The following ARFGEF3 variants were observed in gnomAD, a reference collection of about 807,000 sequenced individuals.
ARFGEF3 encodes ARFGEF family member 3.
Under a neutral mutation model 221.7 loss-of-function variants are expected in ARFGEF3, and 96 were observed. The ratio of observed to expected loss-of-function variants is 0.43; its 90% CI spans 0.37 to 0.51. The LOEUF (loss-of-function observed/expected upper bound fraction) is 0.51, where lower values mean the gene tolerates loss of function less well. Among genes scored for constraint, ARFGEF3 ranks in the 20% least tolerant of loss-of-function variants. The probability of loss-of-function intolerance (pLI) is 0.00; values close to 1 mark genes in which losing one functional copy is unlikely to be tolerated. For synonymous variants in ARFGEF3, 1,145 were observed against 1,126.8 expected (o/e 1.02, Z -0.32); for missense variants, 2,410 against 2,789.9 (o/e 0.86, Z 3.07).
chr6:138,207,348 C>G (rs996720280), intron 3 of ARFGEF3, among the ~76,000 whole-genome samples: 8 of 152,178 alleles, frequency 5.3e-5, no homozygotes, highest in Non-Finnish European at 1.2e-4. Flanking sequence ...GACACTGATT[C>G]ATGTGGACCT....
chr6:138,213,240 A>G (rs1426653524), intron 4 of ARFGEF3, among the ~76,000 whole-genome samples: 3 of 150,070 alleles, frequency 2.0e-5, no homozygotes, highest in Non-Finnish European at 4.4e-5. Flanking sequence ...GTGAGCTGAG[A>G]TCGTGCCACT....
chr6:138,334,555 G>A lies in ARFGEF3; in HGVS notation c.5709G>A (p.Arg1903=). Reference sequence around the variant, plus strand: ...CAGATTGGGTGTGGCTGGTCAAGAGGCTGCACAAGCTGTGCATGGAACTGT... The same window carrying A: ...CAGATTGGGTGTGGCTGGTCAAGAGACTGCACAAGCTGTGCATGGAACTGT... ...SNADWVWLVK[R]LHKLCMELCN... The change falls in exon 33 of 34, where the codon AGG becomes AGA. Residue 1903 remains arginine (R), a synonymous_variant. Transcript: ENST00000251691. The surrounding 1 kb of genome is among the most constrained non-coding windows in gnomAD (Gnocchi z 5.1). 1 of 1,613,586 alleles carries A rather than the reference G, an allele frequency of 6.2e-7. No homozygotes were observed. Among genetic ancestry groups the A allele is most frequent in the Non-Finnish European group, 8.5e-7 (1 of 1,179,884 alleles).
chr6:138,335,046 C>A lies in ARFGEF3; in HGVS notation c.6200C>A (p.Pro2067His). 6.3e-7 allele frequency: 1 copy of A among 1,596,994 alleles called. No individual in the cohort carries two copies. ...RGQDSPLLQR[P>H]QHLMDQGQMR... is the part of the protein sequence containing the mutation. ...CAGGACTCCCCGCTGCTTCAGCGTC[C>A]CCAGCACTTGATGGACCAAGGGCAA... is the stretch of plus-strand genomic sequence containing the variant. Residue 2067 changes from proline to histidine, a missense_variant, in exon 33 of 34, where the codon CCC (proline) becomes CAC (histidine). By Grantham distance (77) the Pro-to-His change is moderately conservative. Transcript: ENST00000251691.
intron 22 of ARFGEF3, among the ~76,000 whole-genome samples, chr6:138,306,953 T>TAAAAAAAAAAA (rs71773390): frequency 2.6e-5 from 3 of 113,692 alleles, no homozygotes; most frequent in African/African-American, 6.3e-5. Flanking sequence ...TAAGGAACTC[T>TAAAAAAAAAAA]AAAAAAAAAA....
At position 138,162,242 on chromosome 6, in the gene ARFGEF3, G is replaced by T. The variant is rs1776630466; in HGVS notation, c.85+71G>T. 11 of 1,171,998 alleles carry T rather than the reference G, an allele frequency of 9.4e-6. No homozygotes were observed. The highest frequency in any genetic ancestry group is 3.2e-5 in the African/African-American group (2 of 62,380). The allele number at this position is 1,171,998 out of a possible 1,614,324, so 72.6% of individuals were successfully genotyped here. A position where few individuals can be genotyped will look rare whatever the true frequency, so the allele number is the denominator to read the frequency against. Reference sequence around the variant, plus strand: ...CGGGGCTGAACCCGCGCCTCCGCGCGTGGGGCTTTCGCGGAGCGTCGGTCA... The same window carrying T: ...CGGGGCTGAACCCGCGCCTCCGCGCTTGGGGCTTTCGCGGAGCGTCGGTCA... On this transcript the variant is annotated intron_variant, in intron 1 of 33. Coordinates refer to ENST00000251691, the MANE Select transcript of ARFGEF3 (RefSeq NM_020340.5). The surrounding 1 kb of genome is among the most constrained non-coding windows in gnomAD (Gnocchi z 4.7).
intron 26 of ARFGEF3, among the ~76,000 whole-genome samples, chr6:138,315,933 G>A (rs1211092256): frequency 6.6e-6 from 1 of 152,006 alleles, no homozygotes; most frequent in Non-Finnish European, 1.5e-5. Flanking sequence ...AACAATTAAA[G>A]TATTGAAAGT....
chr6:138,173,150 CT>C (rs10586567), intron 2 of ARFGEF3, among the ~76,000 whole-genome samples: 7,242 of 150,532 alleles, frequency 0.048, 198 homozygotes, highest in Middle Eastern at 0.094. Context: ...AAGAGTTCAC[CT>C]TTTTTTTTGA....
At chr6:138,219,989 T>G (rs1017740299) in intron 4 of ARFGEF3, among the ~76,000 whole-genome samples, 3 of 152,160 alleles carry the variant, frequency 2.0e-5, no homozygotes, top group Admixed American at 6.5e-5. Context: ...AGGATTTTTT[T>G]TCTTTTATCT....
At chr6:138,281,371 G>A (rs1333220979) in intron 14 of ARFGEF3, among the ~76,000 whole-genome samples, 2 of 152,150 alleles carry the variant, frequency 1.3e-5, no homozygotes, top group African/African-American at 4.8e-5. Flanking sequence ...TTTGTTACCT[G>A]GGCATATTGC....
chr6:138,342,130 AC>A lies in ARFGEF3; in HGVS notation c.*5645del, dbSNP rs1302784429. The A allele has an allele frequency of 6.6e-6, 1 of 152,168 alleles. No homozygotes were observed. The highest frequency in any genetic ancestry group is 2.4e-5 in the African/African-American group (1 of 41,426). The allele number at this position is 152,168 out of a possible 1,614,324, so 9.4% of individuals were successfully genotyped here. On this transcript the variant is annotated 3_prime_UTR_variant, in exon 34 of 34. Coordinates refer to ENST00000251691, the MANE Select transcript of ARFGEF3 (RefSeq NM_020340.5). ...TTGTCTAGTATCTTCTGTCTTTAGA[AC>A]AGTGGTTCTCAAACTTTAGTACACA... is the stretch of plus-strand genomic sequence containing the variant.
chr6:138,212,639 A>G (rs771932009), intron 4 of ARFGEF3, among the ~76,000 whole-genome samples: 13 of 152,216 alleles, frequency 8.5e-5, no homozygotes, highest in Non-Finnish European at 1.5e-4. Context: ...ATGTCCATCA[A>G]TGATAGACTG....
chr6:138,186,277 G>A (rs970747067), intron 2 of ARFGEF3, among the ~76,000 whole-genome samples: 1 of 152,150 alleles, frequency 6.6e-6, no homozygotes, highest in African/African-American at 2.4e-5. Flanking sequence ...GGTCAGTAAG[G>A]GAAAGCCTAA....
intron 10 of ARFGEF3, among the ~76,000 whole-genome samples, chr6:138,260,381 G>T (rs567009167): frequency 7.9e-5 from 12 of 152,180 alleles, no homozygotes; most frequent in African/African-American, 2.9e-4. Context: ...ACGCTAGGAC[G>T]TCTACTGCAG....
At chr6:138,285,202 G>A (rs376605862) in intron 14 of ARFGEF3, among the ~76,000 whole-genome samples, 9 of 152,220 alleles carry the variant, frequency 5.9e-5, no homozygotes, top group Middle Eastern at 3.4e-3. Flanking sequence ...GGTGGCTCAC[G>A]CCTGTAATCC....
intron 24 of ARFGEF3, among the ~76,000 whole-genome samples, chr6:138,311,148 G>A (rs1235238115): frequency 6.6e-6 from 1 of 152,220 alleles, no homozygotes; most frequent in African/African-American, 2.4e-5. Context: ...GGAAGGGTGA[G>A]TTACCAACCA....
rs573011491 is a variant in ARFGEF3 at position 138,172,917 on chromosome 6, A to G, written c.137+2204A>G. On this transcript the variant is annotated intron_variant, in intron 2 of 33. Coordinates refer to ENST00000251691, the MANE Select transcript of ARFGEF3 (RefSeq NM_020340.5). ...TTTGGACCAATTTTGTGCATTAGTA[A>G]TGATTGCTTACAATTGAACATTTTA... is the stretch of plus-strand genomic sequence containing the variant. 2.0e-5 allele frequency among the ~76,000 whole-genome samples: 3 copies of G among 152,330 alleles called. No homozygotes were observed. The East Asian group carries it at 5.8e-4, about 29-fold the overall frequency.
rs1780320336 is a variant in ARFGEF3, at chr6:138,336,281, A to G, written c.6343-14A>G. On this transcript the variant is annotated splice_polypyrimidine_tract_variant and intron_variant, in intron 33 of 33. Transcript: ENST00000251691. ...GGGGGAAAGCCACTGATTTTCTTAA[A>G]TCTTTTCTCTTAGGCATGGACCAAC... 6.7e-7 allele frequency: 1 copy of G among 1,494,568 alleles called. No homozygotes were observed. Among genetic ancestry groups the G allele is most frequent in the East Asian group, 2.6e-5 (1 of 39,020 alleles). 92.6% of individuals were successfully genotyped at this position (1,494,568 alleles called of 1,614,324 possible). A position where few individuals can be genotyped will look rare whatever the true frequency, so the allele number is the denominator to read the frequency against.
intron 32 of ARFGEF3, among the ~76,000 whole-genome samples, chr6:138,332,156 T>C (rs1204746069): frequency 6.6e-6 from 1 of 152,212 alleles, no homozygotes; most frequent in Non-Finnish European, 1.5e-5. Flanking sequence ...TTCACCAGAC[T>C]GATTAAACTC....
At chr6:138,253,846 T>G in intron 8 of ARFGEF3, 34 bp from the exon 9 acceptor site, 1 of 1,504,278 alleles carries the variant, frequency 6.6e-7, no homozygotes, top group Non-Finnish European at 9.1e-7. Context: ...CCTTGTCTTT[T>G]GTCTGCATTT....
Sources: gnomAD v4.1 joint callset for allele counts (sites outside exome capture counted in the v4.1 genomes callset) on GRCh38, gnomAD v4.1.1 for gene constraint, Gnocchi (gnomAD v3.1) non-coding constraint, MANE v1.5 for transcripts, NCBI Gene and HGNC (gene_info 2026-07-23, HGNC 2026-07-21) for gene names.